The following NNT variants were observed in gnomAD, a reference collection of about 807,000 sequenced individuals.
NNT encodes the protein NAD(P) transhydrogenase, mitochondrial.
A neutral mutation model predicts 104.8 loss-of-function variants in NNT; 50 were observed. The ratio of observed to expected loss-of-function variants is 0.48; its 90% CI spans 0.38 to 0.60. The LOEUF is 0.60. Among genes scored for constraint, NNT ranks in the 20% least tolerant of loss-of-function variants. NNT has a pLI of 0.00. For missense variants in NNT, 1,131 were observed against 1,330.7 expected, an observed-to-expected ratio of 0.85 and a Z score of 2.33; for synonymous variants, 461 against 490.4, an observed-to-expected ratio of 0.94 and a Z score of 0.79.
At chr5:43,618,488 A>AT (rs1038458494) in intron 4 of NNT, among the ~76,000 whole-genome samples, 5 of 152,036 alleles carry the variant, frequency 3.3e-5, no homozygotes, top group East Asian at 1.9e-4. Context: ...GGCTGACCTA[A>AT]TTTTTTTTAT....
At chr5:43,630,158 A>G (rs1250370181) in intron 7 of NNT, among the ~76,000 whole-genome samples, 1 of 152,126 alleles carries the variant, frequency 6.6e-6, no homozygotes. Flanking sequence ...GTATAAGGTG[A>G]GGGGTGAGGA....
chr5:43,691,346 C>T (rs572492175), intron 19 of NNT, among the ~76,000 whole-genome samples: 5 of 152,256 alleles, frequency 3.3e-5, no homozygotes, highest in South Asian at 2.1e-4. Flanking sequence ...TCAGGTGATC[C>T]GCCCATCTCG....
At chr5:43,703,067 C>T (rs1240104110) in intron 21 of NNT, among the ~76,000 whole-genome samples, 1 of 152,146 alleles carries the variant, frequency 6.6e-6, no homozygotes, top group Non-Finnish European at 1.5e-5. Flanking sequence ...AGATGGCTTC[C>T]CTCTGGGAAG....
chr5:43,624,649 C>A (rs1459168825), intron 6 of NNT, among the ~76,000 whole-genome samples: 1 of 152,130 alleles, frequency 6.6e-6, no homozygotes, highest in Non-Finnish European at 1.5e-5. Context: ...GGTGAAAGTA[C>A]TTGGTTATGT....
chr5:43,658,948 T>A (rs1740203285), intron 16 of NNT, among the ~76,000 whole-genome samples: 1 of 152,210 alleles, frequency 6.6e-6, no homozygotes, highest in Admixed American at 6.5e-5. Flanking sequence ...AGTGTTTTTT[T>A]AAAATGTAGG....
At chr5:43,657,232 G>A (rs1412768751) in intron 16 of NNT, among the ~76,000 whole-genome samples, 2 of 152,196 alleles carry the variant, frequency 1.3e-5, no homozygotes, top group Admixed American at 6.5e-5. Context: ...TGGAAGATAT[G>A]ACACGAAATC....
At chr5:43,623,083 A>T (rs1305142178) in intron 5 of NNT, among the ~76,000 whole-genome samples, 2 of 151,936 alleles carry the variant, frequency 1.3e-5, no homozygotes, top group African/African-American at 2.4e-5. Flanking sequence ...CCTGTCCCCA[A>T]ACACAGCACC....
intron 12 of NNT, 96 bp from the exon 13 acceptor site, chr5:43,651,643 G>A (rs1409970690): frequency 7.0e-6 from 9 of 1,288,838 alleles, no homozygotes; most frequent in African/African-American, 6.0e-5. Flanking sequence ...TGATAAAGAT[G>A]TGCTTAAAAC....
chr5:43,700,191 A>G lies in NNT; in HGVS notation c.2949A>G (p.Pro983=), dbSNP rs1742775189. ...LNVLLAEAGV[P]YDIVLEMDEI... ...TGCTGCTGGCTGAGGCTGGTGTGCCATATGACATTGTGTTGGAAATGGATG... is the reference window on the plus strand; with the variant it reads ...TGCTGCTGGCTGAGGCTGGTGTGCCGTATGACATTGTGTTGGAAATGGATG... The change falls in exon 20 of 22, where the codon CCA becomes CCG. Residue 983 remains proline (P), a synonymous_variant. Transcript: ENST00000344920. 1.2e-6 allele frequency: 2 copies of G among 1,613,818 alleles called. No homozygotes were observed. The highest frequency in any genetic ancestry group is 4.5e-5 in the East Asian group (2 of 44,874).
chr5:43,626,078 C>T (rs1325807832), intron 6 of NNT, among the ~76,000 whole-genome samples: 1 of 151,548 alleles, frequency 6.6e-6, no homozygotes, highest in Admixed American at 6.6e-5. Context: ...CTCTGTAGGT[C>T]AATATACATA....
intron 20 of NNT, among the ~76,000 whole-genome samples, chr5:43,700,788 C>T (rs1580138125): frequency 1.3e-5 from 2 of 152,092 alleles, no homozygotes; most frequent in East Asian, 1.9e-4. Flanking sequence ...GACATTTGGC[C>T]CAAGCCTATG....
intron 17 of NNT, among the ~76,000 whole-genome samples, chr5:43,660,914 A>G (rs1740321358): frequency 6.6e-6 from 1 of 152,196 alleles, no homozygotes; most frequent in Admixed American, 6.5e-5. Context: ...ACCATATCAG[A>G]TACTTACTCT....
intron 7 of NNT, among the ~76,000 whole-genome samples, chr5:43,643,834 T>C (rs563184948): frequency 1.3e-5 from 2 of 152,358 alleles, no homozygotes; most frequent in South Asian, 4.1e-4. Flanking sequence ...ATAGTTTCCA[T>C]AGTGGTTTAT....
At chr5:43,630,604 AT>A (rs1168023755) in intron 7 of NNT, among the ~76,000 whole-genome samples, 1 of 152,144 alleles carries the variant, frequency 6.6e-6, no homozygotes, top group African/African-American at 2.4e-5. Context: ...CCCTTTACAA[AT>A]CTCCTTCTAA....
chr5:43,677,633 A>G, intron 18 of NNT, 92 bp from the exon 19 acceptor site: 1 of 1,131,934 alleles, frequency 8.8e-7, no homozygotes, highest in Non-Finnish European at 1.3e-6. Context: ...CTCTGTTGGC[A>G]TAAACATGTG....
rs948794691 is a variant in NNT at position 43,704,492 on chromosome 5, C to T, written c.*88C>T. On this transcript the variant is annotated 3_prime_UTR_variant, in exon 22 of 22. Coordinates refer to ENST00000344920, the MANE Select transcript of NNT (RefSeq NM_182977.3). ...AAGTATCAGTATACATGGTGATGTA[C>T]ATCTGTAGCAAAGCTCTTGGAGAAA... 8.3e-6 allele frequency: 11 copies of T among 1,328,692 alleles called. No homozygotes were observed. In the African/African-American group the frequency reaches 1.1e-4, roughly 13 times the overall value. The allele number at this position is 1,328,692 out of a possible 1,614,324, so 82.3% of individuals were successfully genotyped here. A position where few individuals can be genotyped will look rare whatever the true frequency, so the allele number is the denominator to read the frequency against.
At chr5:43,678,261 C>G (rs565652266) in intron 19 of NNT, among the ~76,000 whole-genome samples, 46 of 152,266 alleles carry the variant, frequency 3.0e-4, no homozygotes, top group African/African-American at 1.0e-3. Context: ...TGGACCCTCT[C>G]AGCTCAAACC....
At chr5:43,628,055 G>A (rs1750460104) in intron 6 of NNT, 145 bp from the exon 7 acceptor site, 2 of 562,704 alleles carry the variant, frequency 3.6e-6, no homozygotes, top group Non-Finnish European at 5.8e-6. Context: ...GAAAAAAATT[G>A]GAACAATTAA....
At chr5:43,649,714 C>T (rs1219075429) in intron 11 of NNT, among the ~76,000 whole-genome samples, 2 of 152,102 alleles carry the variant, frequency 1.3e-5, no homozygotes, top group African/African-American at 2.4e-5. Context: ...CTACAATAGG[C>T]CCCATGTGGC....
Sources: allele counts gnomAD v4.1 joint callset (sites outside exome capture counted in the v4.1 genomes callset), GRCh38; gene constraint gnomAD v4.1.1; transcripts MANE v1.5; gene names NCBI Gene and HGNC (gene_info 2026-07-23, HGNC 2026-07-21).